FAM177A1: variants seen among roughly 807,000 people sequenced by gnomAD.
FAM177A1 encodes protein FAM177A1.
A neutral mutation model predicts 26.1 loss-of-function variants in FAM177A1; 22 were observed. That is an observed-to-expected ratio of 0.84 (90% confidence interval 0.60 to 1.20). The LOEUF (loss-of-function observed/expected upper bound fraction) is 1.20. Ranked by LOEUF, FAM177A1 falls within the 50% of genes most tolerant of loss-of-function variation. The pLI is 0.00. For missense variants in FAM177A1, 296 were observed against 291.1 expected, an observed-to-expected ratio of 1.02 and a Z score of -0.12; for synonymous variants, 95 against 99.3, an observed-to-expected ratio of 0.96 and a Z score of 0.26.
chr14:35,046,283 G>T lies in FAM177A1; in HGVS notation c.-181G>T. ...TAGTTGCGCCTCCCAGACTGCAGTTGGCCAGCTCTCGGGGTGCGGAGCCCG... is the reference window on the plus strand; with the variant it reads ...TAGTTGCGCCTCCCAGACTGCAGTTTGCCAGCTCTCGGGGTGCGGAGCCCG... On this transcript the variant is annotated 5_prime_UTR_variant, in exon 1 of 5. Transcript: ENST00000280987. 1.6e-6 allele frequency: 1 copy of T among 627,256 alleles called. No individual in the cohort carries two copies. The highest frequency in any genetic ancestry group is 2.4e-6 in the Non-Finnish European group (1 of 409,594). The allele number at this position is 627,256 out of a possible 1,614,324, so 38.9% of individuals were successfully genotyped here. A position where few individuals can be genotyped will look rare whatever the true frequency, so the allele number is the denominator to read the frequency against.
chr14:35,078,815 C>T lies in FAM177A1; in HGVS notation c.407-112C>T, dbSNP rs1296541090. 3 of 661,050 alleles carry T rather than the reference C, an allele frequency of 4.5e-6. No individual in the cohort carries two copies. In the East Asian group the frequency reaches 1.0e-4, roughly 22 times the overall value. The allele number at this position is 661,050 out of a possible 1,614,324, so 40.9% of individuals were successfully genotyped here. A position where few individuals can be genotyped will look rare whatever the true frequency, so the allele number is the denominator to read the frequency against. On this transcript the variant is annotated intron_variant, in intron 3 of 4. Transcript: ENST00000280987. The stretch of plus-strand genomic sequence containing the variant: ...GATAGATCTATTAGGTTTTTATAAT[C>T]TCCTTGAGAGCAGGAACAGTAACTC...
At chr14:35,066,857 A>C (rs979438018) in intron 2 of FAM177A1, among the ~76,000 whole-genome samples, 3 of 150,974 alleles carry the variant, frequency 2.0e-5, no homozygotes, top group Middle Eastern at 3.5e-3. Flanking sequence ...GCAATGGCAC[A>C]ATCTCAGCTC....
In FAM177A1 at chr14:35,082,131, G is replaced by A. The variant is rs1427345969; in HGVS notation, c.*903G>A. 1 of 152,164 alleles carries A rather than the reference G, an allele frequency of 6.6e-6. No homozygotes were observed. Among genetic ancestry groups the A allele is most frequent in the African/African-American group, 2.4e-5 (1 of 41,430 alleles). The allele number at this position is 152,164 out of a possible 1,614,324, so 9.4% of individuals were successfully genotyped here. A position where few individuals can be genotyped will look rare whatever the true frequency, so the allele number is the denominator to read the frequency against. On this transcript the variant is annotated 3_prime_UTR_variant, in exon 5 of 5. Coordinates refer to ENST00000280987, the MANE Select transcript of FAM177A1 (RefSeq NM_173607.5). ...AAGTAGCAACAGTGAAGACTGGACAGTTTACTTGAATCTGGTTGGCCACTC... is the reference window on the plus strand; with the variant it reads ...AAGTAGCAACAGTGAAGACTGGACAATTTACTTGAATCTGGTTGGCCACTC...
intron 1 of FAM177A1, chr14:35,050,264 C>G (rs1169747535): frequency 6.6e-6 from 1 of 152,144 alleles, no homozygotes; most frequent in African/African-American, 2.4e-5. Flanking sequence ...CCGCCTCAGT[C>G]TCCCAAAGTG....
intron 1 of FAM177A1, 117 bp downstream of exon 1, chr14:35,046,745 G>T: frequency 7.1e-7 from 1 of 1,415,074 alleles, no homozygotes; most frequent in Admixed American, 3.0e-5. Flanking sequence ...CAGCTTTGGA[G>T]TTCCTCCTCA....
chr14:35,060,138 C>T (rs2045129502), intron 2 of FAM177A1, among the ~76,000 whole-genome samples: 1 of 150,996 alleles, frequency 6.6e-6, no homozygotes, highest in African/African-American at 2.4e-5. Context: ...CATGCCCGGG[C>T]TAATTACTGT....
At chr14:35,060,922 G>T (rs999448612) in intron 2 of FAM177A1, among the ~76,000 whole-genome samples, 1 of 152,186 alleles carries the variant, frequency 6.6e-6, no homozygotes, top group Admixed American at 6.6e-5. Flanking sequence ...TTCATCAGAA[G>T]AAGGGTGCAT....
chr14:35,054,820 C>T (rs1449629281), intron 2 of FAM177A1: 1 of 150,936 alleles, frequency 6.6e-6, no homozygotes, highest in East Asian at 1.9e-4. Context: ...ACTAAAAATA[C>T]AAAAAAATTA....
intron 3 of FAM177A1, 117 bp from the exon 4 acceptor site, chr14:35,078,810 A>T: frequency 1.6e-6 from 1 of 642,504 alleles, no homozygotes; most frequent in Non-Finnish European, 2.4e-6. Flanking sequence ...TTAGGTTTTT[A>T]TAATCTCCTT....
At chr14:35,076,611 TAAAG>T (rs1566675573) in intron 2 of FAM177A1, among the ~76,000 whole-genome samples, 3 of 152,168 alleles carry the variant, frequency 2.0e-5, no homozygotes, top group South Asian at 2.1e-4. Flanking sequence ...AAAAAAGACT[TAAAG>T]AAACAAACGA....
intron 2 of FAM177A1, among the ~76,000 whole-genome samples, chr14:35,067,022 C>T (rs1208553580): frequency 1.3e-5 from 2 of 152,156 alleles, no homozygotes; most frequent in African/African-American, 4.8e-5. Flanking sequence ...AAACTCCCAA[C>T]CTCAGGTGAT....
intron 1 of FAM177A1, 30 bp downstream of exon 1, chr14:35,046,658 G>C: frequency 6.6e-7 from 1 of 1,513,768 alleles, no homozygotes; most frequent in Non-Finnish European, 8.9e-7. Flanking sequence ...CTGACGTCCG[G>C]GGAGCCGAGC....
intron 4 of FAM177A1, among the ~76,000 whole-genome samples, chr14:35,080,356 G>A (rs565853820): frequency 6.6e-6 from 1 of 152,174 alleles, no homozygotes; most frequent in African/African-American, 2.4e-5. Flanking sequence ...CTATTCAACC[G>A]AATAGACTGA....
intron 2 of FAM177A1, among the ~76,000 whole-genome samples, chr14:35,064,216 G>A (rs1271448409): frequency 2.7e-5 from 4 of 150,234 alleles, no homozygotes; most frequent in Non-Finnish European, 3.0e-5. Flanking sequence ...GGGAAACCTC[G>A]TCTCTACTAA....
At chr14:35,049,523 C>T (rs2044929175) in intron 1 of FAM177A1, among the ~76,000 whole-genome samples, 1 of 152,142 alleles carries the variant, frequency 6.6e-6, no homozygotes, top group Non-Finnish European at 1.5e-5. Context: ...GTGGCTCACA[C>T]CTATAATCCC....
chr14:35,057,082 C>T (rs1270915668), intron 2 of FAM177A1, among the ~76,000 whole-genome samples: 1 of 151,992 alleles, frequency 6.6e-6, no homozygotes, highest in Non-Finnish European at 1.5e-5. Flanking sequence ...TATTTCCTTC[C>T]TCTGTTTGCT....
intron 2 of FAM177A1, among the ~76,000 whole-genome samples, chr14:35,059,158 C>G (rs1392820135): frequency 6.6e-6 from 1 of 152,090 alleles, no homozygotes; most frequent in Non-Finnish European, 1.5e-5. Context: ...ATCTCCTGAC[C>G]TTGTGATCCA....
rs530174898 is a variant in FAM177A1, at chr14:35,057,718, C to A, written c.339+4267C>A. ...TTATTTAAAGTATTTTCTTTTTTTT[C>A]CTTTTGGTTTTCTTCCTTGACCCAT... On this transcript the variant is annotated intron_variant, in intron 2 of 4. Transcript: ENST00000280987. 1.0e-3 allele frequency among the ~76,000 whole-genome samples: 154 copies of A among 151,820 alleles called. No individual in the cohort carries two copies. The Middle Eastern group carries it at 0.024, about 23-fold the overall frequency.
rs552432517 is a variant in FAM177A1, at chr14:35,046,288, G to T, written c.-176G>T. The T allele has an allele frequency of 2.9e-6, 2 of 691,744 alleles. No individual in the cohort carries two copies. The highest frequency in any genetic ancestry group is 2.2e-6 in the Non-Finnish European group (1 of 463,492). 42.9% of individuals were successfully genotyped at this position (691,744 alleles called of 1,614,324 possible). A position where few individuals can be genotyped will look rare whatever the true frequency, so the allele number is the denominator to read the frequency against. On this transcript the variant is annotated 5_prime_UTR_variant, in exon 1 of 5. Transcript: ENST00000280987. ...GCGCCTCCCAGACTGCAGTTGGCCAGCTCTCGGGGTGCGGAGCCCGGCGGG... is the reference window on the plus strand; with the variant it reads ...GCGCCTCCCAGACTGCAGTTGGCCATCTCTCGGGGTGCGGAGCCCGGCGGG...
Sources: allele counts gnomAD v4.1 joint callset (sites outside exome capture counted in the v4.1 genomes callset), GRCh38; gene constraint gnomAD v4.1.1; transcripts MANE v1.5; gene names NCBI Gene and HGNC (gene_info 2026-07-23, HGNC 2026-07-21).